Variants in CELF2 observed in about 807,000 individuals in gnomAD.
CELF2 encodes the protein CUG triplet repeat RNA-binding protein 2.
Under a neutral mutation model 62.6 loss-of-function variants are expected in CELF2, and 8 were observed. The ratio of observed to expected loss-of-function variants is 0.13; its 90% CI spans 0.07 to 0.23. The LOEUF (loss-of-function observed/expected upper bound fraction) is 0.23, where lower values mean the gene tolerates loss of function less well. Among genes scored for constraint, CELF2 ranks in the 10% least tolerant of loss-of-function variants. CELF2 has a pLI of 1.00. For synonymous variants in CELF2, 258 were observed against 250.0 expected (o/e 1.03, Z -0.30); for missense variants, 333 against 671.0 (o/e 0.50, Z 5.56).
the CELF2 span, among the ~76,000 whole-genome samples, chr10:10,578,503 T>C: frequency 6.6e-6 from 1 of 152,206 alleles, no homozygotes; most frequent in Non-Finnish European, 1.5e-5. Flanking sequence ...AGGTCTAACA[T>C]GTAAGTCTTT....
chr10:10,733,410 A>G, the CELF2 span, among the ~76,000 whole-genome samples: 1 of 152,180 alleles, frequency 6.6e-6, no homozygotes, highest in African/African-American at 2.4e-5. Context: ...CATGTGGGAA[A>G]TGGCAAGTGT....
chr10:10,917,406 C>T (rs1308494181), intron 1 of CELF2, among the ~76,000 whole-genome samples: 1 of 152,200 alleles, frequency 6.6e-6, no homozygotes, highest in Non-Finnish European at 1.5e-5. Context: ...GTGGCACAAT[C>T]ATGGCTCACT....
the CELF2 span, among the ~76,000 whole-genome samples, chr10:10,479,389 G>A: frequency 0.029 from 4,435 of 152,048 alleles, 177 homozygotes; most frequent in African/African-American, 0.096. Flanking sequence ...GGATGGTCTC[G>A]ACCTCCTGAC....
chr10:10,713,182 C>T, the CELF2 span, among the ~76,000 whole-genome samples: 1 of 152,238 alleles, frequency 6.6e-6, no homozygotes, highest in Non-Finnish European at 1.5e-5. Flanking sequence ...AAAAGGCCTT[C>T]GTAACCTGCT....
At chr10:10,914,410 G>C (rs2064133648) in intron 1 of CELF2, among the ~76,000 whole-genome samples, 1 of 152,192 alleles carries the variant, frequency 6.6e-6, no homozygotes, top group Non-Finnish European at 1.5e-5. Context: ...ATTGCAGACA[G>C]CTGATAAAAG....
At chr10:11,030,328 T>C (rs1238493308) in intron 1 of CELF2, 1 of 152,320 alleles carries the variant, frequency 6.6e-6, no homozygotes, top group Non-Finnish European at 1.5e-5. Context: ...CAAATGAGGA[T>C]ATTGAGGTTC....
chr10:11,196,653 A>AAAAAC (rs773640692), intron 2 of CELF2, among the ~76,000 whole-genome samples: 7 of 150,836 alleles, frequency 4.6e-5, no homozygotes, highest in Non-Finnish European at 8.9e-5. Context: ...TCTCTTTAAA[A>AAAAAC]AAAACAAAAC....
At position 11,068,782 on chromosome 10, in the gene CELF2, G is replaced by C. The variant is rs1298175238; in HGVS notation, c.74+50619G>C. Among the ~76,000 whole-genome samples the C allele has an allele frequency of 2.0e-5, 3 of 152,140 alleles. No individual in the cohort carries two copies. In the East Asian group the frequency reaches 5.8e-4, roughly 29 times the overall value. On this transcript the variant is annotated intron_variant, in intron 1 of 12. Transcript: ENST00000633077. ...TCACCGTGTTAGCCAAGATGGTCTCGATCTCCTGACCTCGTGATCCACCCG... is the reference window on the plus strand; with the variant it reads ...TCACCGTGTTAGCCAAGATGGTCTCCATCTCCTGACCTCGTGATCCACCCG...
chr10:10,664,498 T>A, the CELF2 span, among the ~76,000 whole-genome samples: 2 of 152,200 alleles, frequency 1.3e-5, no homozygotes, highest in Admixed American at 1.3e-4. Context: ...CCACGTGAAT[T>A]TCCTCTATAT....
At chr10:11,303,248 T>C (rs572810578) in intron 9 of CELF2, among the ~76,000 whole-genome samples, 2 of 152,192 alleles carry the variant, frequency 1.3e-5, no homozygotes, top group African/African-American at 2.4e-5. Flanking sequence ...CTCTCTAGGC[T>C]CAATTTTACT....
At position 11,285,875 on chromosome 10, in the gene CELF2, GTGTT is replaced by G. The variant is rs879413805; in HGVS notation, c.842-2541_842-2538del. On this transcript the variant is annotated intron_variant, in intron 8 of 12. Transcript: ENST00000633077. The surrounding 1 kb of genome is among the most constrained non-coding windows in gnomAD (Gnocchi z 4.3). ...TGTGTGTGTGTGTGTGTGTGTGTGT[GTGTT>G]TTTACATGGACTTGAAAATGAGTAA... 0.038 allele frequency among the ~76,000 whole-genome samples: 3,817 copies of G among 100,110 alleles called. 115 individuals are homozygous for G. The highest frequency in any genetic ancestry group is 0.081 in the Admixed American group (857 of 10,638). 65.7% of individuals were successfully genotyped at this position (100,110 alleles called of 152,430 possible).
chr10:10,969,575 T>A (rs2050535218), intron 2 of CELF2, among the ~76,000 whole-genome samples: 1 of 152,184 alleles, frequency 6.6e-6, no homozygotes, highest in African/African-American at 2.4e-5. Context: ...CCTGTTTCTA[T>A]CTCCTTCTCC....
At chr10:11,005,017 T>G (rs576293564), upstream of CELF2, 6 of 983,358 alleles carry the variant, frequency 6.1e-6, no homozygotes, top group Admixed American at 6.1e-5. This position sits in a 1 kb window ranked among gnomAD's most constrained non-coding sequence, Gnocchi z 4.3. Flanking sequence ...GTTCCTTGGT[T>G]GTTGTTTTTT....
At chr10:11,021,922 T>C (rs2058377625) in intron 1 of CELF2, among the ~76,000 whole-genome samples, 1 of 152,228 alleles carries the variant, frequency 6.6e-6, no homozygotes. Context: ...ACTTTCTAAT[T>C]TGATTCCAAT....
At chr10:10,979,483 C>G (rs1329480498) in intron 2 of CELF2, among the ~76,000 whole-genome samples, 1 of 152,024 alleles carries the variant, frequency 6.6e-6, no homozygotes, top group African/African-American at 2.4e-5. Flanking sequence ...CCAGCCTGGG[C>G]AACATGGTGA....
In CELF2 at chr10:11,223,471, A is replaced by AT. The variant is rs1452869835; in HGVS notation, c.354+5966dup. Among the ~76,000 whole-genome samples, 1 of 152,238 alleles carries AT rather than the reference A, an allele frequency of 6.6e-6. No individual in the cohort carries two copies. Among genetic ancestry groups the AT allele is most frequent in the African/African-American group, 2.4e-5 (1 of 41,448 alleles). On this transcript the variant is annotated intron_variant, in intron 3 of 12. Transcript: ENST00000633077. This position sits in a 1 kb window ranked among gnomAD's most constrained non-coding sequence, Gnocchi z 5.1. ...TGCAGAATTTGGCCTGGGCTGAGAAATTCGCCCTCATGGGACTGCCTAGGA... is the reference window on the plus strand; with the variant it reads ...TGCAGAATTTGGCCTGGGCTGAGAAATTTCGCCCTCATGGGACTGCCTAGGA...
At position 11,328,747 on chromosome 10, in the gene CELF2, G is replaced by C. The variant is rs1372376139; in HGVS notation, c.1439-179G>C. Among the ~76,000 whole-genome samples, 1 of 152,126 alleles carries C rather than the reference G, an allele frequency of 6.6e-6. No homozygotes were observed. Among genetic ancestry groups the C allele is most frequent in the African/African-American group, 2.4e-5 (1 of 41,408 alleles). ...CAGCCAGCTGCTCCACAGCTGCTCAGTGGGCACGCCCCATCATCCACTCAC... is the reference window on the plus strand; with the variant it reads ...CAGCCAGCTGCTCCACAGCTGCTCACTGGGCACGCCCCATCATCCACTCAC... On this transcript the variant is annotated intron_variant, in intron 12 of 12. Transcript: ENST00000633077. The surrounding 1 kb of genome is among the most constrained non-coding windows in gnomAD (Gnocchi z 6.4).
At chr10:11,060,737 G>T (rs1266400805) in intron 1 of CELF2, among the ~76,000 whole-genome samples, 5 of 152,108 alleles carry the variant, frequency 3.3e-5, no homozygotes, top group African/African-American at 9.7e-5. Flanking sequence ...CATGTGCTCA[G>T]TTTGCATCTC....
At chr10:10,620,478 TTAG>T in the CELF2 span, among the ~76,000 whole-genome samples, 2 of 144,600 alleles carry the variant, frequency 1.4e-5, no homozygotes, top group Admixed American at 1.4e-4. Context: ...AAAGCAGAGA[TTAG>T]TACGTTTACC....
Sources: allele counts gnomAD v4.1 joint callset (sites outside exome capture counted in the v4.1 genomes callset), GRCh38; gene constraint gnomAD v4.1.1; non-coding constraint Gnocchi (gnomAD v3.1); transcripts MANE v1.5; gene names NCBI Gene and HGNC (gene_info 2026-07-23, HGNC 2026-07-21).